LTF: variants seen among roughly 807,000 people sequenced by gnomAD.
LTF encodes the protein epididymis luminal protein 110.
In LTF, 91 loss-of-function variants were observed where a neutral mutation model predicts 87.2. That is an observed-to-expected ratio of 1.04 (90% CI 0.88 to 1.24). The LOEUF is 1.24. Ranked by LOEUF, LTF falls within the 50% of genes most tolerant of loss-of-function variation. The pLI is 0.00. For synonymous variants in LTF, 378 were observed against 356.1 expected, an observed-to-expected ratio of 1.06 and a Z score of -0.69; for missense variants, 901 against 904.3, an observed-to-expected ratio of 1.00 and a Z score of 0.05.
rs147174584 is a variant in LTF, at chr3:46,460,537, G to T, written c.44-718C>A. On this transcript the variant is annotated intron_variant, in intron 1 of 16. Coordinates refer to ENST00000231751, the MANE Select transcript of LTF (RefSeq NM_002343.6). ...TTTGTTGCTCAAATCCATGTAATTA[G>T]GGAGGAAGATGCATTGAATTTACTC... The T allele has an allele frequency of 3.7e-4, 167 of 454,802 alleles. 1 individual carries two copies. The highest frequency in any genetic ancestry group is 3.1e-3 in the African/African-American group (156 of 50,144). The allele number at this position is 454,802 out of a possible 1,614,324, so 28.2% of individuals were successfully genotyped here. A position where few individuals can be genotyped will look rare whatever the true frequency, so the allele number is the denominator to read the frequency against.
At chr3:46,455,479 C>G (rs1177627273) in intron 4 of LTF, 37 bp from the exon 5 acceptor site, 1 of 1,613,386 alleles carries the variant, frequency 6.2e-7, no homozygotes, top group South Asian at 1.1e-5. Flanking sequence ...AGAGTGTGAG[C>G]CAGCCCTGGT....
chr3:46,477,535 C>T (rs1232648007), intron 1 of LTF, among the ~76,000 whole-genome samples: 1 of 152,218 alleles, frequency 6.6e-6, no homozygotes, highest in African/African-American at 2.4e-5. Context: ...CCAGATCTAG[C>T]CACGTCATTC....
intron 6 of LTF, among the ~76,000 whole-genome samples, chr3:46,453,742 AC>A: frequency 6.6e-6 from 1 of 152,220 alleles, no homozygotes; most frequent in Non-Finnish European, 1.5e-5. Flanking sequence ...GCTGTCCAGC[AC>A]GTAAGTAAGG....
chr3:46,464,514 C>G (rs1013521030), intron 1 of LTF, among the ~76,000 whole-genome samples: 7 of 152,232 alleles, frequency 4.6e-5, no homozygotes, highest in Non-Finnish European at 8.8e-5. Context: ...AGGTAAAACG[C>G]ATGTCACAAT....
chr3:46,456,907 A>G (rs1391153488), intron 2 of LTF, among the ~76,000 whole-genome samples: 1 of 152,196 alleles, frequency 6.6e-6, no homozygotes, highest in East Asian at 1.9e-4. Flanking sequence ...GACCAGTTTC[A>G]GGGAATGTAA....
At position 46,438,054 on chromosome 3, in the gene LTF, A is replaced by G. The variant is rs1484263692; in HGVS notation, c.1984T>C (p.Phe662Leu). The G allele has an allele frequency of 1.2e-6, 2 of 1,614,128 alleles. No homozygotes were observed. Among genetic ancestry groups the G allele is most frequent in the Admixed American group, 1.7e-5 (1 of 60,016 alleles). Residue 662 changes from phenylalanine (F) to leucine (L), a missense_variant, in exon 16 of 17, where the codon TTC (phenylalanine) becomes CTC (leucine). Phe to Leu is a conservative substitution (Grantham distance 22). Transcript: ENST00000231751. ...GCCAGACACTCAGTGTTGTCATTGA[A>G]CAGAAGGTTTTTGGTTTCAGACTGG... ...LFQSETKNLL[F>L]NDNTECLARL...
At chr3:46,457,655 T>G (rs942374332) in intron 2 of LTF, among the ~76,000 whole-genome samples, 1 of 152,238 alleles carries the variant, frequency 6.6e-6, no homozygotes, top group Non-Finnish European at 1.5e-5. Context: ...TACTAACAAA[T>G]CGCTCAGGTC....
At chr3:46,459,454 T>A (rs1351389591) in intron 2 of LTF, among the ~76,000 whole-genome samples, 1 of 152,226 alleles carries the variant, frequency 6.6e-6, no homozygotes, top group African/African-American at 2.4e-5. Flanking sequence ...AGGCTCCAGG[T>A]TCCTCACACA....
chr3:46,464,951 G>T, upstream of LTF: 1 of 1,394,232 alleles, frequency 7.2e-7, no homozygotes, highest in South Asian at 1.2e-5. Flanking sequence ...GCTTTGCCCC[G>T]CCCTGTTGCC....
Position 46,438,130 on chromosome 3 carries a change from C to T in LTF, c.1909-1G>A. The T allele has an allele frequency of 4.3e-6, 7 of 1,612,596 alleles. No homozygotes were observed. Among genetic ancestry groups the T allele is most frequent in the Non-Finnish European group, 4.2e-6 (5 of 1,179,246 alleles). ...CAGATCCATTTCTCCCAAATTTAGC[C>T]TGCGACAAAAGGGCAGACAGTGAGT... On this transcript the variant is annotated splice_acceptor_variant, in intron 15 of 16. Coordinates refer to ENST00000231751, the MANE Select transcript of LTF (RefSeq NM_002343.6). LOFTEE classifies it high-confidence loss of function.
chr3:46,478,727 G>A (rs1703394988), intron 1 of LTF, among the ~76,000 whole-genome samples: 1 of 152,200 alleles, frequency 6.6e-6, no homozygotes, highest in Admixed American at 6.5e-5. Context: ...GGAAATGGAG[G>A]AAAGAGTCAC....
intron 1 of LTF, 53 bp from the exon 2 acceptor site, chr3:46,459,872 C>G: frequency 7.4e-7 from 1 of 1,347,294 alleles, no homozygotes; most frequent in Non-Finnish European, 9.8e-7. Flanking sequence ...GAGGGCGTGA[C>G]CACCGCACCC....
intron 9 of LTF, 22 bp from the exon 10 acceptor site, chr3:46,447,420 C>A (rs766264386): frequency 6.4e-7 from 1 of 1,554,442 alleles, no homozygotes; most frequent in East Asian, 2.2e-5. Flanking sequence ...GAGCAGATCT[C>A]CAGCACCACA....
chr3:46,455,885 C>T lies in LTF; in HGVS notation c.410G>A (p.Gly137Asp), dbSNP rs1702916928. 3 of 1,613,718 alleles carry T rather than the reference C, an allele frequency of 1.9e-6. No individual in the cohort carries two copies. The African/African-American group carries it at 4.0e-5, about 22-fold the overall frequency. The change falls in exon 4 of 17, where the codon GGC becomes GAC. Residue 137 changes from glycine to aspartate, a missense_variant. Transcript: ENST00000231751. ...ELQGLKSCHT[G>D]LRRTAGWNVP... ...ATTCCATCCAGCGGTCCTGCGAAGGCCTGTGTGGCAGGACTTCAGACCTTG... is the reference window on the plus strand; with the variant it reads ...ATTCCATCCAGCGGTCCTGCGAAGGTCTGTGTGGCAGGACTTCAGACCTTG...
At chr3:46,468,937 G>A (rs1703249024), upstream of LTF, among the ~76,000 whole-genome samples, 1 of 152,218 alleles carries the variant, frequency 6.6e-6, no homozygotes, top group African/African-American at 2.4e-5. Context: ...CACACCCCCA[G>A]AGGGCCAGTT....
At chr3:46,454,544 T>A (rs1163238538) in intron 5 of LTF, among the ~76,000 whole-genome samples, 184 bp from the exon 6 acceptor site, 3 of 152,174 alleles carry the variant, frequency 2.0e-5, no homozygotes, top group Non-Finnish European at 2.9e-5. Context: ...GAAGAATGAC[T>A]CAGGTGCTAG....
At chr3:46,478,142 G>A (rs1057372039) in intron 1 of LTF, among the ~76,000 whole-genome samples, 3 of 151,884 alleles carry the variant, frequency 2.0e-5, no homozygotes, top group Non-Finnish European at 2.9e-5. Flanking sequence ...CTTTTATGAC[G>A]TCCACTTCTC....
At chr3:46,439,053 C>A (rs1427877550) in intron 15 of LTF, among the ~76,000 whole-genome samples, 1 of 152,202 alleles carries the variant, frequency 6.6e-6, no homozygotes, top group African/African-American at 2.4e-5. Flanking sequence ...GTGATGGCAA[C>A]AAGGCCAGGG....
intron 2 of LTF, among the ~76,000 whole-genome samples, chr3:46,458,234 G>A (rs752790717): frequency 6.6e-6 from 1 of 151,920 alleles, no homozygotes; most frequent in East Asian, 1.9e-4. Context: ...TGTTTGTTTC[G>A]TGATTTAGAT....
Sources: allele counts gnomAD v4.1 joint callset (sites outside exome capture counted in the v4.1 genomes callset), GRCh38; gene constraint gnomAD v4.1.1; transcripts MANE v1.5; gene names NCBI Gene and HGNC (gene_info 2026-07-23, HGNC 2026-07-21).